SEMA6D: variants seen among roughly 807,000 people sequenced by gnomAD.
The protein encoded by SEMA6D is semaphorin 6D, also known as semaphorin-6D.
In SEMA6D, 35 loss-of-function variants were observed where a neutral mutation model predicts 106.6. The ratio of observed to expected loss-of-function variants is 0.33; its 90% CI spans 0.25 to 0.44. The LOEUF is 0.44. Among genes scored for constraint, SEMA6D ranks in the 20% least tolerant of loss-of-function variants. The probability of loss-of-function intolerance (pLI) is 1.00; values close to 1 mark genes in which losing one functional copy is unlikely to be tolerated. For synonymous variants in SEMA6D, 499 were observed against 487.7 expected (o/e 1.02, Z -0.31); for missense variants, 1,185 against 1,345.9 (o/e 0.88, Z 1.87).
intron 3 of SEMA6D, among the ~76,000 whole-genome samples, chr15:47,578,811 T>G (rs974409734): frequency 6.6e-6 from 1 of 152,184 alleles, no homozygotes; most frequent in Non-Finnish European, 1.5e-5. Context: ...CTATGTGTAA[T>G]AGAAAACAAC....
chr15:47,681,351 G>T (rs1255093021), intron 4 of SEMA6D, among the ~76,000 whole-genome samples: 1 of 152,178 alleles, frequency 6.6e-6, no homozygotes, highest in Non-Finnish European at 1.5e-5. Context: ...AGTCACAGAA[G>T]GACAAATACT....
chr15:47,399,123 G>A (rs981909912), intron 1 of SEMA6D, among the ~76,000 whole-genome samples: 1 of 152,058 alleles, frequency 6.6e-6, no homozygotes, highest in Non-Finnish European at 1.5e-5. Context: ...TATTTCCTCA[G>A]TTAAAAAAGA....
chr15:47,246,904 C>T (rs935279956), intron 1 of SEMA6D, among the ~76,000 whole-genome samples: 2 of 152,032 alleles, frequency 1.3e-5, no homozygotes, highest in Admixed American at 6.6e-5. Context: ...AGGGAGAAAA[C>T]GGGTCTGGGT....
At chr15:47,472,915 TA>T (rs1443905643) in intron 3 of SEMA6D, among the ~76,000 whole-genome samples, 5 of 152,170 alleles carry the variant, frequency 3.3e-5, no homozygotes, top group Admixed American at 1.3e-4. Context: ...GTTATGCAGA[TA>T]ATAGAGCAAA....
rs183342291 is a variant in SEMA6D at position 47,396,909 on chromosome 15, T to C, written c.-238-15484T>C. On this transcript the variant is annotated intron_variant, in intron 1 of 19. Coordinates refer to the SEMA6D transcript ENST00000558014. The stretch of plus-strand genomic sequence containing the variant: ...AGGTACTAAAATATCAAGATTGGCC[T>C]TTGATCTGTGTCTCCTTTTCTAACA... Among the ~76,000 whole-genome samples, 297 of 152,316 alleles carry C rather than the reference T, an allele frequency of 1.9e-3. 2 individuals carry two copies. The highest frequency in any genetic ancestry group is 3.9e-3 in the Admixed American group (59 of 15,296).
At chr15:47,401,668 A>G (rs2040405502) in intron 1 of SEMA6D, among the ~76,000 whole-genome samples, 1 of 152,160 alleles carries the variant, frequency 6.6e-6, no homozygotes, top group Non-Finnish European at 1.5e-5. Flanking sequence ...ATGTGCAGTA[A>G]GCTCTTCCCT....
chr15:47,744,855 T>C (rs190949892), intron 1 of SEMA6D, among the ~76,000 whole-genome samples: 3 of 152,300 alleles, frequency 2.0e-5, no homozygotes. Flanking sequence ...GAAGAACCTT[T>C]TTCAATGCAG....
chr15:47,725,980 G>A (rs1338958472), intron 1 of SEMA6D, among the ~76,000 whole-genome samples: 1 of 152,212 alleles, frequency 6.6e-6, no homozygotes, highest in African/African-American at 2.4e-5. Context: ...AGGGAAAAAG[G>A]ATTAAGCATA....
chr15:47,599,422 A>T (rs2076599786), intron 3 of SEMA6D, among the ~76,000 whole-genome samples: 1 of 147,392 alleles, frequency 6.8e-6, no homozygotes, highest in East Asian at 2.0e-4. Flanking sequence ...GAGGTTGGAG[A>T]TCTAATGGGG....
intron 4 of SEMA6D, among the ~76,000 whole-genome samples, chr15:47,679,265 G>C (rs752256168): frequency 6.6e-6 from 1 of 152,204 alleles, no homozygotes; most frequent in East Asian, 1.9e-4. Flanking sequence ...GCTTAGAGCT[G>C]TTTGACTGTG....
chr15:47,488,403 T>C (rs2043360608), intron 3 of SEMA6D, among the ~76,000 whole-genome samples: 1 of 152,172 alleles, frequency 6.6e-6, no homozygotes, highest in Non-Finnish European at 1.5e-5. Flanking sequence ...CATGTGATTT[T>C]CAACTTGCTT....
At chr15:47,630,244 G>T (rs1315912027) in intron 4 of SEMA6D, among the ~76,000 whole-genome samples, 1 of 151,732 alleles carries the variant, frequency 6.6e-6, no homozygotes, top group African/African-American at 2.4e-5. Context: ...AGCAATAGTT[G>T]TTCTAACTGT....
Position 47,693,891 on chromosome 15 carries a change from C to T in SEMA6D, c.-54-65854C>T, listed in dbSNP as rs142242710. Among the ~76,000 whole-genome samples the T allele has an allele frequency of 5.5e-3, 836 of 152,090 alleles. 9 individuals are homozygous for T. Among genetic ancestry groups the T allele is most frequent in the African/African-American group, 0.019 (804 of 41,472 alleles). On this transcript the variant is annotated intron_variant, in intron 4 of 19. Coordinates refer to the SEMA6D transcript ENST00000558014. ...CCCAAGAGTTAGATATTCAGTGAGC[C>T]GTGATCGCACCACGACACTCCAGCC...
At chr15:47,378,592 G>A (rs1417406521) in intron 1 of SEMA6D, among the ~76,000 whole-genome samples, 1 of 152,282 alleles carries the variant, frequency 6.6e-6, no homozygotes, top group Middle Eastern at 3.4e-3. Flanking sequence ...GCTTATTTCA[G>A]CTAGGACAAA....
chr15:47,397,408 ACT>A (rs953310032), intron 1 of SEMA6D: 4 of 151,880 alleles, frequency 2.6e-5, no homozygotes, highest in Non-Finnish European at 4.4e-5. Flanking sequence ...GTGTCCTTTG[ACT>A]CTTTTTTTTT....
At chr15:47,661,817 G>A (rs1427497116) in intron 4 of SEMA6D, among the ~76,000 whole-genome samples, 1 of 152,188 alleles carries the variant, frequency 6.6e-6, no homozygotes, top group Admixed American at 6.5e-5. Context: ...GGAAGCAAAT[G>A]TTTTAAAAAG....
At chr15:47,217,760 T>TA (rs199533433) in intron 1 of SEMA6D, among the ~76,000 whole-genome samples, 1,805 of 151,660 alleles carry the variant, frequency 0.012, 38 homozygotes, top group Admixed American at 0.012. Flanking sequence ...TTAAATATAT[T>TA]AAAAATATAT....
intron 2 of SEMA6D, among the ~76,000 whole-genome samples, chr15:47,415,961 T>C (rs1281221535): frequency 6.6e-6 from 1 of 152,192 alleles, no homozygotes; most frequent in Non-Finnish European, 1.5e-5. Context: ...CTATGAATAA[T>C]GGATGAAGTT....
At position 47,764,631 on chromosome 15, in the gene SEMA6D, C is replaced by A; in HGVS notation, c.1098-7C>A. The A allele has an allele frequency of 6.2e-7, 1 of 1,613,730 alleles. No individual in the cohort carries two copies. The highest frequency in any genetic ancestry group is 8.5e-7 in the Non-Finnish European group (1 of 1,179,726). On this transcript the variant is annotated splice_polypyrimidine_tract_variant and splice_region_variant and intron_variant, in intron 11 of 18. Transcript: ENST00000536845. The stretch of plus-strand genomic sequence containing the variant: ...GAGAGCATAAAATAACGCTGTTTTC[C>A]TTTCAGGCCTGGCTGTTGTGCAAAA...
Sources: gnomAD v4.1 joint callset for allele counts (sites outside exome capture counted in the v4.1 genomes callset) on GRCh38, gnomAD v4.1.1 for gene constraint, MANE v1.5 for transcripts, NCBI Gene and HGNC (gene_info 2026-07-23, HGNC 2026-07-21) for gene names.